The following BCL9 variants were observed in gnomAD, a reference collection of about 807,000 sequenced individuals.
The protein encoded by BCL9 is B-cell CLL/lymphoma 9 protein.
A neutral mutation model predicts 88.5 loss-of-function variants in BCL9; 25 were observed. The ratio of observed to expected loss-of-function variants is 0.28; its 90% CI spans 0.21 to 0.39. The LOEUF (loss-of-function observed/expected upper bound fraction) is 0.39, where lower values mean the gene tolerates loss of function less well. Among genes scored for constraint, BCL9 ranks in the 10% least tolerant of loss-of-function variants. The pLI, the probability that BCL9 is intolerant of heterozygous loss-of-function variation, is 1.00. For synonymous variants in BCL9, 711 were observed against 673.3 expected (o/e 1.06, Z -0.87); for missense variants, 1,817 against 1,877.8 (o/e 0.97, Z 0.60).
intron 1 of BCL9, among the ~76,000 whole-genome samples, chr1:147,587,482 ATTGCAAGCCCCC>A (rs1272212421): frequency 2.0e-5 from 3 of 152,108 alleles, no homozygotes; most frequent in Middle Eastern, 3.2e-3. Flanking sequence ...ACCGTACTAG[ATTGCAAGCCCCC>A]TTGAGGGGAG....
chr1:147,605,832 G>A (rs1553201929), intron 2 of BCL9, among the ~76,000 whole-genome samples: 1 of 152,164 alleles, frequency 6.6e-6, no homozygotes, highest in Non-Finnish European at 1.5e-5. Context: ...TTATGGAGTA[G>A]TGGTCATAGC....
At chr1:147,615,330 T>C (rs1279858756) in intron 6 of BCL9, among the ~76,000 whole-genome samples, 11 of 152,312 alleles carry the variant, frequency 7.2e-5, no homozygotes, top group African/African-American at 2.4e-4. Context: ...ATATAAATTT[T>C]TAGTGGATGG....
intron 1 of BCL9, among the ~76,000 whole-genome samples, chr1:147,542,289 A>G (rs1654368179): frequency 6.6e-6 from 1 of 152,210 alleles, no homozygotes; most frequent in Non-Finnish European, 1.5e-5. Flanking sequence ...GGAGAGCAAG[A>G]GAACTCTGCC....
In BCL9 at chr1:147,611,706, G is replaced by T. The variant is rs1406896223; in HGVS notation, c.-131G>T. On this transcript the variant is annotated 5_prime_UTR_variant, in exon 4 of 10. Transcript: ENST00000234739. ...CAAAGAGGAAAAAGGCATACAGGCAGCGAGCGCTAAGGGACGCACCCAGCA... is the reference window on the plus strand; with the variant it reads ...CAAAGAGGAAAAAGGCATACAGGCATCGAGCGCTAAGGGACGCACCCAGCA... The T allele has an allele frequency of 1.3e-6, 1 of 791,914 alleles. No homozygotes were observed. The highest frequency in any genetic ancestry group is 2.1e-6 in the Non-Finnish European group (1 of 466,774). The allele number at this position is 791,914 out of a possible 1,614,324, so 49.1% of individuals were successfully genotyped here. A position where few individuals can be genotyped will look rare whatever the true frequency, so the allele number is the denominator to read the frequency against.
chr1:147,623,665 G>A (rs1035034170), intron 9 of BCL9, among the ~76,000 whole-genome samples, 177 bp from the exon 10 acceptor site: 1 of 152,158 alleles, frequency 6.6e-6, no homozygotes, highest in South Asian at 2.1e-4. Flanking sequence ...AGAGCTCTTG[G>A]TTTGTATGTC....
chr1:147,615,173 T>A (rs1658214221), intron 6 of BCL9, among the ~76,000 whole-genome samples: 1 of 152,138 alleles, frequency 6.6e-6, no homozygotes, highest in South Asian at 2.1e-4. Context: ...AGAAGTTGAT[T>A]GCACAATACA....
At chr1:147,607,774 A>G (rs1657794609) in intron 3 of BCL9, among the ~76,000 whole-genome samples, 1 of 152,172 alleles carries the variant, frequency 6.6e-6, no homozygotes. Flanking sequence ...AACTGAAGGA[A>G]AAAGGTTTCA....
Position 147,619,346 on chromosome 1 carries a change from G to A in BCL9, c.1191G>A (p.Gly397=), listed in dbSNP as rs1553204492. 3 of 1,613,970 alleles carry A rather than the reference G, an allele frequency of 1.9e-6. No homozygotes were observed. The highest frequency in any genetic ancestry group is 2.2e-5 in the South Asian group (2 of 91,074). ...AGCAGAATCCTGGGGTATTAGATGG[G>A]CCTCAGAAAAAACCAGAAGGGCCAA... The part of the protein sequence containing the change: ...GPQQNPGVLD[G]PQKKPEGPIQ... Residue 397 remains glycine (G), a synonymous_variant, in exon 8 of 10, where the codon GGG becomes GGA. Transcript: ENST00000234739. This position sits in a 1 kb window ranked among gnomAD's most constrained non-coding sequence, Gnocchi z 4.1.
At chr1:147,599,809 G>C (rs1657259648) in intron 1 of BCL9, among the ~76,000 whole-genome samples, 1 of 151,640 alleles carries the variant, frequency 6.6e-6, no homozygotes, top group African/African-American at 2.4e-5. Flanking sequence ...GCTGCCTGGT[G>C]GGCAGGGCCC....
rs1553202903 is a variant in BCL9, at chr1:147,613,018, C to T, written c.189C>T (p.Pro63=). ...CAGCCAGCCAATCCCAGCCATCCCC[C>T]TGTGACTCCAAGAGTGGGGGCCATA... is the stretch of plus-strand genomic sequence containing the variant. ...GGSASQSQPS[P]CDSKSGGHTP... Residue 63 remains proline, a synonymous_variant, in exon 5 of 10, where the codon CCC becomes CCT. Coordinates refer to ENST00000234739, the MANE Select transcript of BCL9 (RefSeq NM_004326.4). The T allele has an allele frequency of 3.1e-6, 5 of 1,604,314 alleles. No homozygotes were observed. Among genetic ancestry groups the T allele is most frequent in the Non-Finnish European group, 4.3e-6 (5 of 1,175,200 alleles).
intron 7 of BCL9, among the ~76,000 whole-genome samples, chr1:147,618,235 A>C (rs1327709448): frequency 6.6e-6 from 1 of 152,082 alleles, no homozygotes; most frequent in Non-Finnish European, 1.5e-5. Flanking sequence ...GGCCTCCTGG[A>C]AACTCCAGGA....
At chr1:147,573,596 C>A (rs1655979457) in intron 1 of BCL9, among the ~76,000 whole-genome samples, 1 of 152,108 alleles carries the variant, frequency 6.6e-6, no homozygotes, top group Non-Finnish European at 1.5e-5. Flanking sequence ...CAATTTCTGA[C>A]CCTGTCATTT....
At chr1:147,579,157 C>T (rs189180183) in intron 1 of BCL9, among the ~76,000 whole-genome samples, 12 of 152,290 alleles carry the variant, frequency 7.9e-5, no homozygotes, top group African/African-American at 2.2e-4. Flanking sequence ...TGAGCCACCG[C>T]GCCCAGCTGA....
Position 147,618,468 on chromosome 1 carries a change from C to T in BCL9, c.661-348C>T, listed in dbSNP as rs148635146. Among the ~76,000 whole-genome samples, 29 of 152,318 alleles carry T rather than the reference C, an allele frequency of 1.9e-4. No homozygotes were observed. In the East Asian group the frequency reaches 5.4e-3, roughly 28 times the overall value. On this transcript the variant is annotated intron_variant, in intron 7 of 9. Transcript: ENST00000234739. ...CTCCCACATACCAAGAAACTAATCT[C>T]TCTCTGAATCAGAAACACATAGTAG... is the stretch of plus-strand genomic sequence containing the variant.
chr1:147,546,180 C>A (rs1298261087), intron 1 of BCL9, among the ~76,000 whole-genome samples: 1 of 151,492 alleles, frequency 6.6e-6, no homozygotes, highest in Admixed American at 6.6e-5. Flanking sequence ...ACTAAAAATA[C>A]AAAAAAAATT....
intron 1 of BCL9, among the ~76,000 whole-genome samples, chr1:147,585,388 T>A (rs1236487401): frequency 1.2e-4 from 19 of 152,134 alleles, no homozygotes; most frequent in Non-Finnish European, 1.8e-4. Context: ...GTGTGACATG[T>A]GACAAAGAGT....
intron 1 of BCL9, among the ~76,000 whole-genome samples, chr1:147,582,330 T>C (rs1222216349): frequency 6.6e-6 from 1 of 152,270 alleles, no homozygotes; most frequent in Non-Finnish European, 1.5e-5. Flanking sequence ...TCCAAGTTTC[T>C]CCATTTCCTT....
intron 1 of BCL9, among the ~76,000 whole-genome samples, chr1:147,588,263 G>A (rs1553199504): frequency 6.6e-6 from 1 of 152,046 alleles, no homozygotes; most frequent in Admixed American, 6.5e-5. Flanking sequence ...TTTCCGTTGC[G>A]GACCCAGGGT....
At chr1:147,577,482 A>G (rs587701936) in intron 1 of BCL9, among the ~76,000 whole-genome samples, 1 of 152,266 alleles carries the variant, frequency 6.6e-6, no homozygotes, top group Non-Finnish European at 1.5e-5. Flanking sequence ...GTCTTTGGCA[A>G]ACAAAAGGAC....
Sources: allele counts gnomAD v4.1 joint callset (sites outside exome capture counted in the v4.1 genomes callset), GRCh38; gene constraint gnomAD v4.1.1; non-coding constraint Gnocchi (gnomAD v3.1); transcripts MANE v1.5; gene names NCBI Gene and HGNC (gene_info 2026-07-23, HGNC 2026-07-21).